RPN2: variants seen among roughly 807,000 people sequenced by gnomAD.
RPN2 encodes the protein dolichyl-diphosphooligosaccharide--protein glycosyltransferase subunit 2.
In RPN2, 29 loss-of-function variants were observed where a neutral mutation model predicts 71.4. The ratio of observed to expected loss-of-function variants is 0.41; its 90% confidence interval spans 0.30 to 0.55. RPN2 has a LOEUF of 0.55. RPN2 is among the 20% of genes least tolerant of loss of function. RPN2 has a pLI of 0.35. For missense variants in RPN2, 726 were observed against 774.1 expected, an observed-to-expected ratio of 0.94 and a Z score of 0.74; for synonymous variants, 308 against 305.0, an observed-to-expected ratio of 1.01 and a Z score of -0.10.
intron 4 of RPN2, 116 bp downstream of exon 4, chr20:37,199,341 C>A: frequency 7.6e-7 from 1 of 1,314,588 alleles, no homozygotes; most frequent in Non-Finnish European, 1.1e-6. Context: ...GTAAATACTT[C>A]CGTGTGCCAG....
At chr20:37,215,781 A>G (rs2146631180) in intron 9 of RPN2, among the ~76,000 whole-genome samples, 1 of 152,342 alleles carries the variant, frequency 6.6e-6, no homozygotes, top group East Asian at 1.9e-4. Context: ...AATCTGATGC[A>G]TATGAAAAGG....
At chr20:37,213,541 G>T (rs2079792353) in intron 8 of RPN2, among the ~76,000 whole-genome samples, 4 of 152,076 alleles carry the variant, frequency 2.6e-5, no homozygotes, top group Admixed American at 2.6e-4. Context: ...GGTGAGCTGT[G>T]ATCGTGCCAC....
At chr20:37,179,674 G>A in intron 1 of RPN2, 1 of 406,776 alleles carries the variant, frequency 2.5e-6, no homozygotes, top group Non-Finnish European at 4.0e-6. Context: ...CATTTCACTC[G>A]CGCGGGCTTC....
At chr20:37,222,159 G>A (rs2067974354) in intron 9 of RPN2, among the ~76,000 whole-genome samples, 2 of 152,202 alleles carry the variant, frequency 1.3e-5, no homozygotes, top group Non-Finnish European at 2.9e-5. Context: ...TTGTAACGCT[G>A]TTAACTCAGC....
At chr20:37,217,124 G>A (rs1320567573) in intron 9 of RPN2, among the ~76,000 whole-genome samples, 1 of 149,192 alleles carries the variant, frequency 6.7e-6, no homozygotes, top group African/African-American at 2.5e-5. Flanking sequence ...TAGAGACTGG[G>A]TTTTGCCATG....
intron 15 of RPN2, 50 bp downstream of exon 15, chr20:37,234,145 C>G (rs758792004): frequency 4.2e-5 from 67 of 1,584,168 alleles, no homozygotes; most frequent in Non-Finnish European, 5.4e-5. Flanking sequence ...GACATTTAGC[C>G]TGCCCACGCA....
At chr20:37,231,122 C>A (rs1373954751) in intron 13 of RPN2, among the ~76,000 whole-genome samples, 1 of 152,074 alleles carries the variant, frequency 6.6e-6, no homozygotes, top group Non-Finnish European at 1.5e-5. Context: ...TGCACTATTT[C>A]ATTTGGTCTT....
At chr20:37,210,314 T>C (rs2067627270) in intron 8 of RPN2, 149 bp downstream of exon 8, 4 of 1,464,896 alleles carry the variant, frequency 2.7e-6, no homozygotes, top group Non-Finnish European at 3.7e-6. Context: ...AAAATGATTT[T>C]TAAAATGAAG....
intron 11 of RPN2, 144 bp from the exon 12 acceptor site, chr20:37,228,403 TCTA>T (rs1381617060): frequency 4.2e-5 from 32 of 768,410 alleles, no homozygotes; most frequent in Non-Finnish European, 7.1e-5. Context: ...GGCCACTCCT[TCTA>T]CTCTCTGGGG....
intron 2 of RPN2, among the ~76,000 whole-genome samples, chr20:37,189,785 C>T (rs1173402540): frequency 6.6e-6 from 1 of 152,208 alleles, no homozygotes. Flanking sequence ...AGTGAAATTA[C>T]AGTATGCCCC....
chr20:37,198,304 A>G, intron 2 of RPN2, 93 bp from the exon 3 acceptor site: 6 of 1,602,372 alleles, frequency 3.7e-6, no homozygotes, highest in Non-Finnish European at 5.1e-6. Context: ...TAAGCCATCT[A>G]TAATGGCTGA....
In RPN2 at chr20:37,198,518, A is replaced by G. The variant is rs574309595; in HGVS notation, c.303+26A>G. The G allele has an allele frequency of 8.7e-6, 14 of 1,614,146 alleles. No individual in the cohort carries two copies. The South Asian group carries it at 1.4e-4, about 16-fold the overall frequency. On this transcript the variant is annotated intron_variant, in intron 3 of 16. Transcript: ENST00000237530. The stretch of plus-strand genomic sequence containing the variant: ...GTGAGTCCGGGTTCCTACGCTGACA[A>G]TGACTTTAACTATTTAAAGTACATT...
At chr20:37,216,063 G>T (rs796455404) in intron 9 of RPN2, among the ~76,000 whole-genome samples, 18 of 152,262 alleles carry the variant, frequency 1.2e-4, no homozygotes, top group African/African-American at 4.3e-4. Context: ...CTAGGGCCAG[G>T]TGAGGTGGCT....
rs766871135 is a variant in RPN2 at position 37,198,470 on chromosome 20, G to A, written c.281G>A (p.Ser94Asn). Residue 94 changes from serine (S) to asparagine (N), a missense_variant, in exon 3 of 17, where the codon AGC becomes AAC. Physicochemically the swap from Ser to Asn is conservative, Grantham distance 46. Transcript: ENST00000237530. ...VDSLFYAAQA[S>N]QALSGCEISI... ...TCCCTCTTCTACGCTGCCCAGGCCAGCCAGGCCCTCTCAGGATGTGAGGTG... is the reference window on the plus strand; with the variant it reads ...TCCCTCTTCTACGCTGCCCAGGCCAACCAGGCCCTCTCAGGATGTGAGGTG... 5 of 1,614,190 alleles carry A rather than the reference G, an allele frequency of 3.1e-6. No individual in the cohort carries two copies. The highest frequency in any genetic ancestry group is 2.2e-5 in the East Asian group (1 of 44,880).
At chr20:37,207,172 T>C in intron 6 of RPN2, 101 bp from the exon 7 acceptor site, 1 of 924,220 alleles carries the variant, frequency 1.1e-6, no homozygotes, top group Non-Finnish European at 1.8e-6. Context: ...ACCTCCCATG[T>C]GAACACCCGA....
At chr20:37,229,552 G>A (rs2068179745) in intron 12 of RPN2, among the ~76,000 whole-genome samples, 1 of 152,174 alleles carries the variant, frequency 6.6e-6, no homozygotes, top group South Asian at 2.1e-4. Flanking sequence ...TTCTCGTGTG[G>A]TATTCAAGAC....
chr20:37,230,199 T>TGGCA, intron 13 of RPN2, 140 bp downstream of exon 13: 1 of 757,644 alleles, frequency 1.3e-6, no homozygotes, highest in Non-Finnish European at 2.4e-6. Context: ...GCAGGGTAAA[T>TGGCA]GGCAGCCCCA....
intron 4 of RPN2, among the ~76,000 whole-genome samples, chr20:37,202,978 G>A (rs2067425897): frequency 6.6e-6 from 1 of 151,992 alleles, no homozygotes; most frequent in Admixed American, 6.6e-5. Flanking sequence ...TAGGCTGAGT[G>A]CGGTGGTGCA....
At chr20:37,219,657 A>T (rs1054240967) in intron 9 of RPN2, among the ~76,000 whole-genome samples, 3 of 152,210 alleles carry the variant, frequency 2.0e-5, no homozygotes, top group African/African-American at 7.2e-5. Context: ...AAGGTTAAGA[A>T]GATTTACTAC....
Sources: gnomAD v4.1 joint callset for allele counts (sites outside exome capture counted in the v4.1 genomes callset) on GRCh38, gnomAD v4.1.1 for gene constraint, MANE v1.5 for transcripts, NCBI Gene and HGNC (gene_info 2026-07-23, HGNC 2026-07-21) for gene names.